SRD5A2: variants seen among roughly 807,000 people sequenced by gnomAD.
SRD5A2 encodes steroid 5 alpha-reductase 2.
Under a neutral mutation model 27.4 loss-of-function variants are expected in SRD5A2, and 30 were observed. The ratio of observed to expected loss-of-function variants is 1.10; its 90% CI spans 0.82 to 1.49. The LOEUF (loss-of-function observed/expected upper bound fraction) is 1.49, where lower values mean the gene tolerates loss of function less well. Ranked by LOEUF, SRD5A2 falls within the 40% of genes most tolerant of loss-of-function variation. SRD5A2 has a pLI of 0.00. For synonymous variants in SRD5A2, 141 were observed against 133.6 expected, an observed-to-expected ratio of 1.06 and a Z score of -0.38; for missense variants, 348 against 323.4, an observed-to-expected ratio of 1.08 and a Z score of -0.58.
At chr2:31,559,171 C>T (rs1000488621) in intron 1 of SRD5A2, among the ~76,000 whole-genome samples, 1 of 152,142 alleles carries the variant, frequency 6.6e-6, no homozygotes, top group Non-Finnish European at 1.5e-5. Flanking sequence ...TGTTTGAGCT[C>T]CCAGACTGTG....
At position 31,523,815 on chromosome 2, in the gene SRD5A2, C is replaced by T. The variant is rs1665712403; in HGVS notation, c.*2381G>A. Reference sequence around the variant, plus strand: ...GTTCAGACCTTTACTGTATTTAATCCACATACATATCCTAGCCCTAAACAA... The same window carrying T: ...GTTCAGACCTTTACTGTATTTAATCTACATACATATCCTAGCCCTAAACAA... On this transcript the variant is annotated 3_prime_UTR_variant, in exon 5 of 5. Transcript: ENST00000622030. The T allele has an allele frequency of 4.5e-6, 1 of 220,256 alleles. No homozygotes were observed. Among genetic ancestry groups the T allele is most frequent in the Admixed American group, 5.8e-5 (1 of 17,330 alleles). The allele number at this position is 220,256 out of a possible 1,614,324, so 13.6% of individuals were successfully genotyped here. A position where few individuals can be genotyped will look rare whatever the true frequency, so the allele number is the denominator to read the frequency against.
chr2:31,530,671 T>C (rs1333483580), intron 3 of SRD5A2, among the ~76,000 whole-genome samples: 2 of 152,056 alleles, frequency 1.3e-5, no homozygotes, highest in Non-Finnish European at 1.5e-5. Context: ...AAATAAAGGG[T>C]TGTATTTACA....
chr2:31,584,401 C>A (rs1270378708), upstream of SRD5A2, among the ~76,000 whole-genome samples: 2 of 152,176 alleles, frequency 1.3e-5, no homozygotes, highest in Non-Finnish European at 2.9e-5. Flanking sequence ...ATAGCCTTTA[C>A]AATATCCAGC....
chr2:31,599,074 C>A, the SRD5A2 span, among the ~76,000 whole-genome samples: 4 of 151,896 alleles, frequency 2.6e-5, no homozygotes, highest in African/African-American at 9.7e-5. Context: ...CAAAGATGGT[C>A]ATTATATAAT....
At chr2:31,533,582 G>C in intron 2 of SRD5A2, 21 bp downstream of exon 2, 1 of 1,549,912 alleles carries the variant, frequency 6.5e-7, no homozygotes, top group Non-Finnish European at 8.7e-7. Context: ...AAGTAGGTGA[G>C]AAGTGGGCAG....
At chr2:31,595,175 C>G in the SRD5A2 span, among the ~76,000 whole-genome samples, 1 of 152,042 alleles carries the variant, frequency 6.6e-6, no homozygotes, top group Non-Finnish European at 1.5e-5. Flanking sequence ...ACAAACAAAA[C>G]CCAAACCCAG....
the SRD5A2 span, among the ~76,000 whole-genome samples, chr2:31,609,546 C>A: frequency 6.6e-6 from 1 of 152,088 alleles, no homozygotes; most frequent in Admixed American, 6.6e-5. Flanking sequence ...GATGTTGGTA[C>A]AACCAGATAG....
intron 1 of SRD5A2, among the ~76,000 whole-genome samples, chr2:31,553,864 C>T (rs2148081017): frequency 6.6e-6 from 1 of 152,140 alleles, no homozygotes; most frequent in South Asian, 2.1e-4. Flanking sequence ...ATATTAGCTC[C>T]CTGTGGCTGC....
chr2:31,627,957 G>C, the SRD5A2 span, among the ~76,000 whole-genome samples: 62 of 152,024 alleles, frequency 4.1e-4, no homozygotes, highest in African/African-American at 1.4e-3. Context: ...CTGTTGTTTG[G>C]GGGTGGAGAG....
intron 1 of SRD5A2, among the ~76,000 whole-genome samples, chr2:31,556,397 T>C (rs555211821): frequency 6.6e-6 from 1 of 152,272 alleles, no homozygotes; most frequent in South Asian, 2.1e-4. Context: ...TTATGAATAG[T>C]ACCTTATGAT....
chr2:31,590,256 G>T, the SRD5A2 span, among the ~76,000 whole-genome samples: 3 of 150,036 alleles, frequency 2.0e-5, no homozygotes, highest in Admixed American at 6.7e-5. Flanking sequence ...CATCACCTGA[G>T]AAACCCGAGT....
chr2:31,655,498 G>T, the SRD5A2 span, among the ~76,000 whole-genome samples: 1 of 152,144 alleles, frequency 6.6e-6, no homozygotes, highest in African/African-American at 2.4e-5. Flanking sequence ...GCACATCATG[G>T]TTTCCACCAG....
chr2:31,660,519 T>C, the SRD5A2 span, among the ~76,000 whole-genome samples: 1 of 152,048 alleles, frequency 6.6e-6, no homozygotes, highest in Non-Finnish European at 1.5e-5. Context: ...AGTAAACTTA[T>C]GGACTTCGGG....
At position 31,560,682 on chromosome 2, in the gene SRD5A2, C is replaced by T. The variant is rs1666604356; in HGVS notation, c.281+19938G>A. Among the ~76,000 whole-genome samples the T allele has an allele frequency of 2.0e-5, 3 of 152,236 alleles. No individual in the cohort carries two copies. The South Asian group carries it at 6.2e-4, about 32-fold the overall frequency. On this transcript the variant is annotated intron_variant, in intron 1 of 4. Transcript: ENST00000622030. ...GTTGTATCTCCTTTAAACCTCTTTC[C>T]CCATTTCCTTTTACTCCCCTTTCCC...
the SRD5A2 span, among the ~76,000 whole-genome samples, chr2:31,625,673 A>G: frequency 6.6e-6 from 1 of 152,028 alleles, no homozygotes; most frequent in East Asian, 1.9e-4. Context: ...ATGGTTGTAG[A>G]TGTGTGGTGT....
intron 3 of SRD5A2, 83 bp downstream of exon 3, chr2:31,531,288 C>A: frequency 1.0e-6 from 1 of 999,218 alleles, no homozygotes; most frequent in Non-Finnish European, 1.5e-6. Flanking sequence ...CCCTCACTGT[C>A]CCCTCTCCAT....
the SRD5A2 span, among the ~76,000 whole-genome samples, chr2:31,590,703 A>C: frequency 6.6e-6 from 1 of 152,212 alleles, no homozygotes; most frequent in Non-Finnish European, 1.5e-5. Flanking sequence ...CAGTAACCAA[A>C]ACAGCATGGT....
At chr2:31,632,571 T>C in the SRD5A2 span, among the ~76,000 whole-genome samples, 3 of 152,088 alleles carry the variant, frequency 2.0e-5, no homozygotes, top group Non-Finnish European at 2.9e-5. Context: ...TGCTTGAGCG[T>C]TGGGGGCCAG....
chr2:31,638,516 G>A, the SRD5A2 span, among the ~76,000 whole-genome samples: 1 of 151,950 alleles, frequency 6.6e-6, no homozygotes, highest in Non-Finnish European at 1.5e-5. Flanking sequence ...TAGTAACAGT[G>A]GGGTGTTAAA....
Sources: allele counts gnomAD v4.1 joint callset (sites outside exome capture counted in the v4.1 genomes callset), GRCh38; gene constraint gnomAD v4.1.1; transcripts MANE v1.5; gene names NCBI Gene and HGNC (gene_info 2026-07-23, HGNC 2026-07-21).